PRLR: variants seen among roughly 807,000 people sequenced by gnomAD.
The protein encoded by PRLR is hPRL receptor.
A neutral mutation model predicts 40.2 loss-of-function variants in PRLR; 13 were observed. That is an observed-to-expected ratio of 0.32 (90% CI 0.21 to 0.51). The LOEUF is 0.51. Ranked by LOEUF, PRLR falls within the 20% of genes least tolerant of loss-of-function variation. The pLI, the probability that PRLR is intolerant of heterozygous loss-of-function variation, is 0.97. For missense variants in PRLR, 656 were observed against 747.3 expected, an observed-to-expected ratio of 0.88 and a Z score of 1.42; for synonymous variants, 269 against 278.7, an observed-to-expected ratio of 0.97 and a Z score of 0.35.
At chr5:35,131,094 G>A (rs555226297) in intron 1 of PRLR, among the ~76,000 whole-genome samples, 2 of 152,308 alleles carry the variant, frequency 1.3e-5, no homozygotes, top group East Asian at 1.9e-4. Flanking sequence ...GCTTTGTTAT[G>A]TCAGCCCTAA....
At chr5:35,163,389 T>C (rs774582503) in intron 1 of PRLR, among the ~76,000 whole-genome samples, 1 of 152,132 alleles carries the variant, frequency 6.6e-6, no homozygotes, top group Non-Finnish European at 1.5e-5. Context: ...GCCAGAATGA[T>C]GTGGGATTTA....
chr5:35,108,724 A>G (rs1772439163), intron 2 of PRLR, among the ~76,000 whole-genome samples: 1 of 152,226 alleles, frequency 6.6e-6, no homozygotes, highest in South Asian at 2.1e-4. Flanking sequence ...GAGGACATAA[A>G]CAAATGGAAG....
chr5:35,088,340 T>C (rs1770989573), intron 3 of PRLR, among the ~76,000 whole-genome samples: 1 of 152,232 alleles, frequency 6.6e-6, no homozygotes, highest in African/African-American at 2.4e-5. Flanking sequence ...TGCAAGTTTT[T>C]GTTTTGCTTT....
intron 2 of PRLR, among the ~76,000 whole-genome samples, chr5:35,103,730 A>G (rs1435497904): frequency 6.6e-6 from 1 of 152,198 alleles, no homozygotes. Flanking sequence ...TCAGTTTGGG[A>G]GACAGAAATT....
intron 2 of PRLR, among the ~76,000 whole-genome samples, chr5:35,097,834 G>C (rs979889373): frequency 6.6e-6 from 1 of 152,118 alleles, no homozygotes; most frequent in East Asian, 1.9e-4. Context: ...GGAAAGGGGG[G>C]CCCTAGGAAG....
intron 1 of PRLR, among the ~76,000 whole-genome samples, chr5:35,220,184 A>G (rs1030029580): frequency 2.0e-5 from 3 of 152,188 alleles, no homozygotes; most frequent in African/African-American, 4.8e-5. Flanking sequence ...CCAATGAGTT[A>G]GGATGTTAGG....
chr5:35,190,553 C>T (rs910423993), intron 1 of PRLR, among the ~76,000 whole-genome samples: 1 of 151,616 alleles, frequency 6.6e-6, no homozygotes, highest in Non-Finnish European at 1.5e-5. Flanking sequence ...TGCAGTGAGC[C>T]GAGATTGTGA....
At chr5:35,185,301 T>A (rs1013324871) in intron 1 of PRLR, among the ~76,000 whole-genome samples, 9 of 152,228 alleles carry the variant, frequency 5.9e-5, no homozygotes, top group Non-Finnish European at 1.0e-4. Flanking sequence ...AGTTATTTTA[T>A]ACAAGGAATG....
At chr5:35,156,572 A>G (rs994466324) in intron 1 of PRLR, among the ~76,000 whole-genome samples, 1 of 152,104 alleles carries the variant, frequency 6.6e-6, no homozygotes, top group African/African-American at 2.4e-5. Flanking sequence ...CACTTGTGCC[A>G]TTTGGCCAGT....
intron 1 of PRLR, among the ~76,000 whole-genome samples, chr5:35,119,384 TCTCA>T (rs776599024): frequency 2.1e-5 from 3 of 143,292 alleles, no homozygotes; most frequent in Non-Finnish European, 3.0e-5. Context: ...TCTCTCTCTC[TCTCA>T]CACACACACA....
chr5:35,067,120 C>T (rs1049505540), intron 9 of PRLR, among the ~76,000 whole-genome samples: 19 of 152,062 alleles, frequency 1.2e-4, no homozygotes, highest in African/African-American at 4.3e-4. Context: ...GGCTTTATCA[C>T]TTATTATAGG....
chr5:35,085,995 G>A (rs190210295), intron 4 of PRLR, among the ~76,000 whole-genome samples: 1 of 151,926 alleles, frequency 6.6e-6, no homozygotes, highest in East Asian at 1.9e-4. Flanking sequence ...ATATTGTACT[G>A]CTATGGCTGG....
intron 1 of PRLR, among the ~76,000 whole-genome samples, chr5:35,174,067 G>A (rs959700424): frequency 3.3e-5 from 5 of 150,046 alleles, no homozygotes; most frequent in Non-Finnish European, 7.4e-5. Context: ...CCACCTATGA[G>A]TGAGAACACT....
chr5:35,177,431 C>T (rs1282899570), intron 1 of PRLR, among the ~76,000 whole-genome samples: 1 of 152,108 alleles, frequency 6.6e-6, no homozygotes, highest in African/African-American at 2.4e-5. Context: ...TTTTTCACCA[C>T]CTAAGGAAAC....
At chr5:35,228,313 G>A (rs1245591995) in intron 1 of PRLR, among the ~76,000 whole-genome samples, 2 of 151,152 alleles carry the variant, frequency 1.3e-5, no homozygotes, top group South Asian at 2.1e-4. Flanking sequence ...TCAGAGGCTT[G>A]CTCAGTGTGG....
rs552790554 is a variant in PRLR at position 35,060,046 on chromosome 5, C to A, written c.*5043G>T. On this transcript the variant is annotated 3_prime_UTR_variant, in exon 10 of 10. Coordinates refer to ENST00000618457, the MANE Select transcript of PRLR (RefSeq NM_000949.7). The stretch of plus-strand genomic sequence containing the variant: ...ACTGGGTCTTACTATGTTGCGTAGG[C>A]TGGGCATGGATTTATTAATGGCTTT... The A allele has an allele frequency of 1.3e-5, 2 of 152,136 alleles. No individual in the cohort carries two copies. Among genetic ancestry groups the A allele is most frequent in the African/African-American group, 4.8e-5 (2 of 41,420 alleles). The allele number at this position is 152,136 out of a possible 1,614,324, so 9.4% of individuals were successfully genotyped here.
At chr5:35,105,773 G>T (rs1561302778) in intron 2 of PRLR, among the ~76,000 whole-genome samples, 1 of 152,200 alleles carries the variant, frequency 6.6e-6, no homozygotes, top group Non-Finnish European at 1.5e-5. Flanking sequence ...AAGTAACAAG[G>T]AGAATGGAAC....
intron 1 of PRLR, among the ~76,000 whole-genome samples, chr5:35,216,510 G>A (rs1057492336): frequency 3.9e-5 from 6 of 152,100 alleles, no homozygotes; most frequent in Admixed American, 3.3e-4. Flanking sequence ...GAAATAAGCA[G>A]GTAAACTTAT....
intron 1 of PRLR, among the ~76,000 whole-genome samples, chr5:35,223,332 A>G (rs1337701540): frequency 2.6e-5 from 4 of 152,250 alleles, no homozygotes; most frequent in African/African-American, 9.6e-5. Context: ...AAACAAAAAC[A>G]AAACAAAATC....
Sources: gnomAD v4.1 joint callset for allele counts (sites outside exome capture counted in the v4.1 genomes callset) on GRCh38, gnomAD v4.1.1 for gene constraint, MANE v1.5 for transcripts, NCBI Gene and HGNC (gene_info 2026-07-23, HGNC 2026-07-21) for gene names.